SCN11A: variants seen among roughly 807,000 people sequenced by gnomAD.
SCN11A encodes the protein sodium channel protein type 11 subunit alpha.
SCN11A carries 122 observed loss-of-function variants against 162.2 expected under a neutral mutation model. The ratio of observed to expected loss-of-function variants is 0.75; its 90% confidence interval spans 0.65 to 0.87. The LOEUF (loss-of-function observed/expected upper bound fraction) is 0.87. SCN11A is among the 40% of genes least tolerant of loss of function. The pLI is 0.00. For synonymous variants in SCN11A, 758 were observed against 751.5 expected (o/e 1.01, Z -0.14); for missense variants, 2,015 against 2,181.6 (o/e 0.92, Z 1.52).
At chr3:38,864,546 A>C (rs4371451) in intron 27 of SCN11A, among the ~76,000 whole-genome samples, 34,826 of 152,022 alleles carry the variant, frequency 0.23, 4,127 homozygotes, top group Non-Finnish European at 0.25. Context: ...TGTTAAGTGA[A>C]AACTTTGTAG....
At chr3:38,943,557 G>C (rs923731001) in intron 7 of SCN11A, among the ~76,000 whole-genome samples, 1 of 152,094 alleles carries the variant, frequency 6.6e-6, no homozygotes, top group Non-Finnish European at 1.5e-5. Flanking sequence ...GAACTTTTAA[G>C]TTAAAACATT....
chr3:38,888,075 C>G (rs945215107), intron 19 of SCN11A, among the ~76,000 whole-genome samples: 2 of 152,082 alleles, frequency 1.3e-5, no homozygotes, highest in Admixed American at 6.5e-5. Flanking sequence ...GGAAGGGAAC[C>G]AGAGCTATAT....
chr3:38,961,082 C>T (rs566978447), intron 2 of SCN11A, among the ~76,000 whole-genome samples: 2 of 152,254 alleles, frequency 1.3e-5, no homozygotes, highest in South Asian at 4.1e-4. Flanking sequence ...GACTAGCTGA[C>T]AGTCAGCTGA....
At chr3:38,876,352 T>C (rs577318194) in intron 23 of SCN11A, among the ~76,000 whole-genome samples, 2 of 152,050 alleles carry the variant, frequency 1.3e-5, no homozygotes, top group African/African-American at 4.8e-5. Flanking sequence ...AAAACAAAGA[T>C]GAATAGATGG....
chr3:39,042,938 C>A (rs1439890543), intron 1 of SCN11A, among the ~76,000 whole-genome samples: 7 of 94,794 alleles, frequency 7.4e-5, no homozygotes, highest in African/African-American at 3.1e-4. Context: ...GCCTGGGCAA[C>A]AAGAGCGAAA....
intron 28 of SCN11A, among the ~76,000 whole-genome samples, chr3:38,859,017 A>G (rs1374292705): frequency 6.6e-6 from 1 of 152,190 alleles, no homozygotes; most frequent in Non-Finnish European, 1.5e-5. Context: ...GAGATACAGC[A>G]AAAGTGGTGC....
At chr3:38,929,286 C>T (rs2066201892) in intron 7 of SCN11A, among the ~76,000 whole-genome samples, 1 of 152,034 alleles carries the variant, frequency 6.6e-6, no homozygotes, top group African/African-American at 2.4e-5. Flanking sequence ...AAAATTTTGC[C>T]ACATTCTACA....
intron 1 of SCN11A, among the ~76,000 whole-genome samples, chr3:39,051,335 T>C (rs760669605): frequency 1.3e-5 from 2 of 152,078 alleles, no homozygotes; most frequent in Non-Finnish European, 2.9e-5. Flanking sequence ...TGTCCATGTG[T>C]TCTCATCATT....
intron 26 of SCN11A, among the ~76,000 whole-genome samples, chr3:38,869,135 C>G (rs1351487347): frequency 6.6e-6 from 1 of 152,106 alleles, no homozygotes; most frequent in Non-Finnish European, 1.5e-5. Flanking sequence ...ATACAACAAC[C>G]AGTACATATC....
intron 7 of SCN11A, among the ~76,000 whole-genome samples, chr3:38,932,627 G>A (rs1396903590): frequency 6.6e-6 from 1 of 152,238 alleles, no homozygotes; most frequent in East Asian, 1.9e-4. Context: ...TGCTAGCACA[G>A]CAGTCTGAGA....
intron 7 of SCN11A, among the ~76,000 whole-genome samples, chr3:38,931,287 C>G (rs769475628): frequency 1.3e-5 from 2 of 152,194 alleles, no homozygotes; most frequent in Non-Finnish European, 2.9e-5. Context: ...GCAACAGAGA[C>G]AGACAGTCCC....
intron 2 of SCN11A, among the ~76,000 whole-genome samples, chr3:39,029,519 G>A (rs1057374464): frequency 6.6e-6 from 1 of 152,186 alleles, no homozygotes; most frequent in African/African-American, 2.4e-5. Context: ...TTCCCATAGT[G>A]GGAAAGGACA....
chr3:38,931,696 A>T (rs2066243013), intron 7 of SCN11A, among the ~76,000 whole-genome samples: 1 of 152,138 alleles, frequency 6.6e-6, no homozygotes, highest in East Asian at 1.9e-4. Context: ...TTCCCTAATA[A>T]GTGCCTGCAA....
chr3:39,030,984 A>T (rs929743747), intron 2 of SCN11A, among the ~76,000 whole-genome samples: 1 of 152,194 alleles, frequency 6.6e-6, no homozygotes, highest in Non-Finnish European at 1.5e-5. Flanking sequence ...GATGGCCTGG[A>T]TGGTTCTCTA....
rs143967642 is a variant in SCN11A at position 38,990,427 on chromosome 3, A to T, written c.-279-30004T>A. On this transcript the variant is annotated intron_variant, in intron 2 of 29. Coordinates refer to ENST00000302328, the MANE Select transcript of SCN11A (RefSeq NM_001349253.2). ...AAAGGCATGGCGCCTGCCCTCAAAA[A>T]GTCAGCATTATGCTTGCATGTATGA... is the stretch of plus-strand genomic sequence containing the variant. 3.5e-3 allele frequency among the ~76,000 whole-genome samples: 535 copies of T among 152,318 alleles called. 4 individuals are homozygous for T. Among genetic ancestry groups the T allele is most frequent in the African/African-American group, 0.011 (459 of 41,570 alleles).
rs1227011419 is a variant in SCN11A at position 38,846,535 on chromosome 3, A to C, written c.*159T>G. On this transcript the variant is annotated 3_prime_UTR_variant, in exon 30 of 30. Transcript: ENST00000302328. ...TCTTATATCTCTGTAAGTATTATTT[A>C]AAATGAAATTGAAATATCATTTATT... is the stretch of plus-strand genomic sequence containing the variant. The C allele has an allele frequency of 1.6e-6, 1 of 620,252 alleles. No homozygotes were observed. The highest frequency in any genetic ancestry group is 2.8e-6 in the Non-Finnish European group (1 of 351,034). 38.4% of individuals were successfully genotyped at this position (620,252 alleles called of 1,614,324 possible).
intron 28 of SCN11A, 67 bp from the exon 29 acceptor site, chr3:38,850,818 C>T (rs1490625280): frequency 1.5e-6 from 2 of 1,315,974 alleles, no homozygotes; most frequent in African/African-American, 3.0e-5. Context: ...ATAAAAAGAA[C>T]ATAAATACAA....
intron 18 of SCN11A, among the ~76,000 whole-genome samples, chr3:38,895,921 C>T (rs1332436727): frequency 2.0e-5 from 3 of 152,208 alleles, no homozygotes; most frequent in East Asian, 3.9e-4. Flanking sequence ...ATAAAGCTAT[C>T]GTGTGTAGAG....
rs549701048 is a variant in SCN11A at position 39,003,724 on chromosome 3, G to A, written c.-280+28656C>T. Among the ~76,000 whole-genome samples the A allele has an allele frequency of 5.9e-5, 9 of 152,216 alleles. No individual in the cohort carries two copies. The South Asian group carries it at 1.9e-3, about 32-fold the overall frequency. Reference sequence around the variant, plus strand: ...TTTACTTTTTAGTAATAGCCATTCTGACTGGTGTGAGATGGTATCTCATTG... The same window carrying A: ...TTTACTTTTTAGTAATAGCCATTCTAACTGGTGTGAGATGGTATCTCATTG... On this transcript the variant is annotated intron_variant, in intron 2 of 29. Coordinates refer to ENST00000302328, the MANE Select transcript of SCN11A (RefSeq NM_001349253.2).
Sources: allele counts gnomAD v4.1 joint callset (sites outside exome capture counted in the v4.1 genomes callset), GRCh38; gene constraint gnomAD v4.1.1; transcripts MANE v1.5; gene names NCBI Gene and HGNC (gene_info 2026-07-23, HGNC 2026-07-21).